ADAMTS18: variants seen among roughly 807,000 people sequenced by gnomAD.
ADAMTS18 encodes A disintegrin and metalloproteinase with thrombospondin motifs 18.
In ADAMTS18, 157 loss-of-function variants were observed where a neutral mutation model predicts 165.9. The observed-to-expected ratio is 0.95, with a 90% confidence interval of 0.83 to 1.08. ADAMTS18 has a LOEUF of 1.08. Among genes scored for constraint, ADAMTS18 ranks in the 50% least tolerant of loss-of-function variants. The pLI is 0.00. For missense variants in ADAMTS18, 2,040 were observed against 1,534.0 expected (o/e 1.33, Z -5.51); for synonymous variants, 782 against 578.2 (o/e 1.35, Z -5.06).
chr16:77,401,502 T>TCTGCA (rs1378489333), intron 3 of ADAMTS18, among the ~76,000 whole-genome samples: 1 of 152,228 alleles, frequency 6.6e-6, no homozygotes, highest in African/African-American at 2.4e-5. Flanking sequence ...CACCAAATGG[T>TCTGCA]GAAGCCAGGT....
intron 6 of ADAMTS18, among the ~76,000 whole-genome samples, chr16:77,363,574 G>A (rs1051991704): frequency 1.3e-5 from 2 of 150,570 alleles, no homozygotes; most frequent in Non-Finnish European, 3.0e-5. Flanking sequence ...CATTATTTAT[G>A]TATACATATG....
intron 3 of ADAMTS18, among the ~76,000 whole-genome samples, chr16:77,392,197 T>A (rs1304322321): frequency 6.6e-5 from 10 of 152,230 alleles, no homozygotes; most frequent in Non-Finnish European, 1.5e-5. Context: ...GGCTGGCTCC[T>A]GTTCAGCTCG....
intron 3 of ADAMTS18, among the ~76,000 whole-genome samples, chr16:77,392,645 G>A (rs1187594223): frequency 6.6e-6 from 1 of 152,056 alleles, no homozygotes; most frequent in Admixed American, 6.6e-5. Flanking sequence ...CAGGCACCAG[G>A]GATACAGGCA....
intron 3 of ADAMTS18, among the ~76,000 whole-genome samples, chr16:77,396,194 C>T (rs1056941428): frequency 6.6e-6 from 1 of 152,166 alleles, no homozygotes; most frequent in Non-Finnish European, 1.5e-5. Context: ...CAAGTTTTAC[C>T]TAGAATCAGA....
chr16:77,360,976 C>T (rs907008378), intron 7 of ADAMTS18, among the ~76,000 whole-genome samples: 1 of 152,072 alleles, frequency 6.6e-6, no homozygotes, highest in Non-Finnish European at 1.5e-5. Flanking sequence ...AACCCAGCTA[C>T]TCTGGAGGCT....
intron 10 of ADAMTS18, among the ~76,000 whole-genome samples, chr16:77,344,674 C>G (rs1361912684): frequency 6.6e-6 from 1 of 151,836 alleles, no homozygotes; most frequent in Non-Finnish European, 1.5e-5. Context: ...GGCTAGCTGT[C>G]GTAGCCAATG....
Position 77,410,703 on chromosome 16 carries a change from C to G in ADAMTS18, c.495+20592G>C, listed in dbSNP as rs928613477. Among the ~76,000 whole-genome samples, 3 of 152,018 alleles carry G rather than the reference C, an allele frequency of 2.0e-5. No individual in the cohort carries two copies. In the East Asian group the frequency reaches 5.8e-4, roughly 29 times the overall value. On this transcript the variant is annotated intron_variant, in intron 3 of 22. Coordinates refer to ENST00000282849, the MANE Select transcript of ADAMTS18 (RefSeq NM_199355.4). ...CTTGTTGTAATCCCTGCTGAGAAAC[C>G]GATGGTATAAGAACAATAAAATTGA...
intron 12 of ADAMTS18, among the ~76,000 whole-genome samples, chr16:77,334,458 T>C (rs2056255527): frequency 8.9e-6 from 1 of 112,516 alleles, no homozygotes; most frequent in African/African-American, 3.7e-5. Flanking sequence ...TATTATATAG[T>C]ATATATACTG....
At chr16:77,295,228 C>G (rs1338353698) in intron 18 of ADAMTS18, 101 bp from the exon 19 acceptor site, 1 of 1,202,972 alleles carries the variant, frequency 8.3e-7, no homozygotes, top group Non-Finnish European at 1.2e-6. Flanking sequence ...AGCCATGAAT[C>G]AATTTCAGAA....
chr16:77,382,257 C>T (rs2057042187), intron 3 of ADAMTS18, among the ~76,000 whole-genome samples: 1 of 152,196 alleles, frequency 6.6e-6, no homozygotes, highest in African/African-American at 2.4e-5. Context: ...GTTGCCCAGG[C>T]TGGAGTGCAG....
chr16:77,410,971 G>C (rs1444077149), intron 3 of ADAMTS18, among the ~76,000 whole-genome samples: 1 of 152,068 alleles, frequency 6.6e-6, no homozygotes, highest in African/African-American at 2.4e-5. Flanking sequence ...ACTAGTTTTG[G>C]AAGACCATTA....
At chr16:77,399,771 C>G (rs2057302610) in intron 3 of ADAMTS18, among the ~76,000 whole-genome samples, 1 of 152,168 alleles carries the variant, frequency 6.6e-6, no homozygotes. Context: ...GACTTATATT[C>G]AGGATGCAAC....
intron 3 of ADAMTS18, among the ~76,000 whole-genome samples, chr16:77,419,124 G>T (rs942663264): frequency 2.0e-5 from 3 of 151,438 alleles, no homozygotes; most frequent in Admixed American, 6.6e-5. Context: ...ACTCCAGCCT[G>T]GATGACAGAG....
intron 11 of ADAMTS18, among the ~76,000 whole-genome samples, chr16:77,337,773 A>G (rs2056332378): frequency 6.6e-6 from 1 of 152,224 alleles, no homozygotes; most frequent in Non-Finnish European, 1.5e-5. Flanking sequence ...CCTTTTAATC[A>G]GTGTAGAAAT....
intron 8 of ADAMTS18, among the ~76,000 whole-genome samples, chr16:77,358,613 T>C (rs1473274817): frequency 6.6e-6 from 1 of 152,220 alleles, no homozygotes; most frequent in African/African-American, 2.4e-5. Flanking sequence ...CAACTATGGT[T>C]ACTGAATGAT....
At chr16:77,336,949 C>T (rs938434598) in intron 11 of ADAMTS18, among the ~76,000 whole-genome samples, 3 of 152,140 alleles carry the variant, frequency 2.0e-5, no homozygotes, top group African/African-American at 7.2e-5. Flanking sequence ...ATTGGGGGAT[C>T]GGTTACAGAA....
rs939630096 is a variant in ADAMTS18, at chr16:77,362,392, A to G, written c.1057-128T>C. The G allele has an allele frequency of 5.0e-5, 51 of 1,024,378 alleles. No individual in the cohort carries two copies. The African/African-American group carries it at 7.5e-4, about 15-fold the overall frequency. The allele number at this position is 1,024,378 out of a possible 1,614,324, so 63.5% of individuals were successfully genotyped here. A position where few individuals can be genotyped will look rare whatever the true frequency, so the allele number is the denominator to read the frequency against. ...AAAAGATCAGTAAACACTTGAGCTA[A>G]GGTAGGAGACAGGAAAATCTCTATT... On this transcript the variant is annotated intron_variant, in intron 6 of 22. Transcript: ENST00000282849.
intron 10 of ADAMTS18, among the ~76,000 whole-genome samples, chr16:77,352,228 TTA>T (rs1360516176): frequency 1.3e-5 from 2 of 152,052 alleles, no homozygotes; most frequent in African/African-American, 4.8e-5. Flanking sequence ...CGGACTGGAG[TTA>T]TGTTTTGAAT....
At position 77,415,966 on chromosome 16, in the gene ADAMTS18, A is replaced by G. The variant is rs529554456; in HGVS notation, c.495+15329T>C. Among the ~76,000 whole-genome samples, 296 of 152,312 alleles carry G rather than the reference A, an allele frequency of 1.9e-3. 2 individuals are homozygous for G. The highest frequency in any genetic ancestry group is 7.0e-3 in the African/African-American group (290 of 41,582). Reference sequence around the variant, plus strand: ...TGATTCCAGCCACTGGAAATACAGCAGTGAATAGCAGAGATAAAGCCTCAG... The same window carrying G: ...TGATTCCAGCCACTGGAAATACAGCGGTGAATAGCAGAGATAAAGCCTCAG... On this transcript the variant is annotated intron_variant, in intron 3 of 22. Coordinates refer to ENST00000282849, the MANE Select transcript of ADAMTS18 (RefSeq NM_199355.4).
Sources: gnomAD v4.1 joint callset for allele counts (sites outside exome capture counted in the v4.1 genomes callset) on GRCh38, gnomAD v4.1.1 for gene constraint, MANE v1.5 for transcripts, NCBI Gene and HGNC (gene_info 2026-07-23, HGNC 2026-07-21) for gene names.